Variants in USP32 observed in about 807,000 individuals in gnomAD.
USP32 encodes ubiquitin specific peptidase 32.
Under a neutral mutation model 204.8 loss-of-function variants are expected in USP32, and 59 were observed. The ratio of observed to expected loss-of-function variants is 0.29; its 90% CI spans 0.23 to 0.36. The LOEUF (loss-of-function observed/expected upper bound fraction) is 0.36. Among genes scored for constraint, USP32 ranks in the 10% least tolerant of loss-of-function variants. The pLI, the probability that USP32 is intolerant of heterozygous loss-of-function variation, is 1.00. For missense variants in USP32, 1,160 were observed against 1,946.4 expected (o/e 0.60, Z 7.60); for synonymous variants, 517 against 678.4 (o/e 0.76, Z 3.70).
At chr17:60,363,132 A>T (rs554778644) in intron 1 of USP32, among the ~76,000 whole-genome samples, 116 of 151,898 alleles carry the variant, frequency 7.6e-4, no homozygotes, top group Non-Finnish European at 1.1e-3. Context: ...TCTATTTTTT[A>T]AAAAATATTA....
At chr17:60,280,611 C>T (rs2086946208) in intron 5 of USP32, among the ~76,000 whole-genome samples, 1 of 152,082 alleles carries the variant, frequency 6.6e-6, no homozygotes, top group Admixed American at 6.6e-5. Flanking sequence ...ATTGTAATTC[C>T]TTTTTGTTTC....
intron 1 of USP32, among the ~76,000 whole-genome samples, chr17:60,412,399 G>C (rs1291317671): frequency 6.6e-6 from 1 of 151,958 alleles, no homozygotes; most frequent in Non-Finnish European, 1.5e-5. Flanking sequence ...AGCTACTAGT[G>C]GGGAATGGGG....
At chr17:60,302,121 AT>A (rs2087596511) in intron 2 of USP32, among the ~76,000 whole-genome samples, 1 of 113,768 alleles carries the variant, frequency 8.8e-6, no homozygotes, top group African/African-American at 4.4e-5. Context: ...TTGTTTATTT[AT>A]TTATTTATTT....
intron 26 of USP32, among the ~76,000 whole-genome samples, chr17:60,201,618 T>C (rs1438154440): frequency 6.6e-6 from 1 of 152,042 alleles, no homozygotes; most frequent in East Asian, 1.9e-4. Flanking sequence ...TATCATAATA[T>C]TGTTTTAATT....
intron 33 of USP32, among the ~76,000 whole-genome samples, chr17:60,180,188 A>G (rs1269825894): frequency 6.6e-6 from 1 of 151,756 alleles, no homozygotes; most frequent in Non-Finnish European, 1.5e-5. Flanking sequence ...AACACGCCCA[A>G]CTAATTTTTG....
rs2087176993 is a variant in USP32, at chr17:60,288,371, T to C, written c.571+152A>G. On this transcript the variant is annotated intron_variant, in intron 5 of 33. Coordinates refer to ENST00000300896, the MANE Select transcript of USP32 (RefSeq NM_032582.4). ...GAGAGGACTGCTTGAGCCCAGGAAG[T>C]TGAGACTGCCGTAAGCCACGATGGT... 7 of 862,468 alleles carry C rather than the reference T, an allele frequency of 8.1e-6. No homozygotes were observed. The East Asian group carries it at 2.0e-4, about 24-fold the overall frequency. The allele number at this position is 862,468 out of a possible 1,614,324, so 53.4% of individuals were successfully genotyped here.
At chr17:60,271,902 C>A (rs2086732672) in intron 5 of USP32, among the ~76,000 whole-genome samples, 1 of 151,754 alleles carries the variant, frequency 6.6e-6, no homozygotes, top group South Asian at 2.1e-4. Context: ...GCCTCAAATT[C>A]CTGGGCTCAA....
intron 1 of USP32, among the ~76,000 whole-genome samples, chr17:60,404,777 C>G (rs1307956562): frequency 6.6e-6 from 1 of 152,206 alleles, no homozygotes; most frequent in Non-Finnish European, 1.5e-5. Context: ...ACCTTCTCAT[C>G]TTTCCTGTAT....
chr17:60,196,849 T>C (rs1249252799), intron 27 of USP32, among the ~76,000 whole-genome samples: 1 of 151,800 alleles, frequency 6.6e-6, no homozygotes, highest in Non-Finnish European at 1.5e-5. Flanking sequence ...TAAAAATAAA[T>C]AAATAACTTA....
At position 60,271,335 on chromosome 17, in the gene USP32, T is replaced by C. The variant is rs552535377; in HGVS notation, c.703+15A>G. On this transcript the variant is annotated intron_variant, in intron 6 of 33. Transcript: ENST00000300896. ...TTTACCAGTGAACATATGTAGAAAA[T>C]GGAATGATCCCTACCTTCACTTAGA... 7.4e-6 allele frequency: 12 copies of C among 1,612,756 alleles called. No individual in the cohort carries two copies. The highest frequency in any genetic ancestry group is 2.2e-5 in the East Asian group (1 of 44,832).
chr17:60,324,414 A>G (rs892468349), intron 2 of USP32, among the ~76,000 whole-genome samples: 3 of 152,104 alleles, frequency 2.0e-5, no homozygotes, highest in African/African-American at 7.2e-5. Context: ...TGTCTTCCAC[A>G]TGAGGCAGGA....
intron 12 of USP32, among the ~76,000 whole-genome samples, chr17:60,231,826 G>T (rs1414330974): frequency 6.6e-6 from 1 of 152,174 alleles, no homozygotes; most frequent in African/African-American, 2.4e-5. Context: ...TTTTTTAGGA[G>T]ATTACACATA....
chr17:60,196,270 C>CAAAAAAAAAAAAAAAAAAAAAAAAA (rs749074954), intron 27 of USP32, among the ~76,000 whole-genome samples: 2 of 129,240 alleles, frequency 1.5e-5, no homozygotes, highest in African/African-American at 6.9e-5. Context: ...ATCCCCACGC[C>CAAAAAAAAAAAAAAAAAAAAAAAAA]AAAAAAAGAA....
intron 12 of USP32, among the ~76,000 whole-genome samples, chr17:60,229,482 C>T (rs1390463205): frequency 3.9e-5 from 6 of 152,158 alleles, no homozygotes; most frequent in Non-Finnish European, 7.3e-5. Context: ...TAGAAATTGA[C>T]TTGTTATTAA....
chr17:60,190,735 A>G (rs1567753335), intron 28 of USP32, 52 bp from the exon 29 acceptor site: 21 of 1,565,296 alleles, frequency 1.3e-5, no homozygotes, highest in Non-Finnish European at 1.6e-5. Context: ...GAAGGAATCT[A>G]AATTTTCTTA....
At chr17:60,370,924 C>T (rs1461326441) in intron 1 of USP32, among the ~76,000 whole-genome samples, 2 of 151,632 alleles carry the variant, frequency 1.3e-5, no homozygotes, top group Non-Finnish European at 2.9e-5. Context: ...AGCAAGATCC[C>T]ATCTCTAAAA....
chr17:60,361,780 C>T (rs2089212304), intron 1 of USP32, among the ~76,000 whole-genome samples: 1 of 151,954 alleles, frequency 6.6e-6, no homozygotes, highest in Non-Finnish European at 1.5e-5. Context: ...AATCTGGCAC[C>T]CTGCTATTAT....
Position 60,294,549 on chromosome 17 carries a change from A to T in USP32, c.411+134T>A, listed in dbSNP as rs114598870. The T allele has an allele frequency of 1.5e-3, 805 of 539,950 alleles. 5 individuals are homozygous for T. Among genetic ancestry groups the T allele is most frequent in the African/African-American group, 0.014 (728 of 51,934 alleles). 33.4% of individuals were successfully genotyped at this position (539,950 alleles called of 1,614,324 possible). A position where few individuals can be genotyped will look rare whatever the true frequency, so the allele number is the denominator to read the frequency against. On this transcript the variant is annotated intron_variant, in intron 4 of 33. Transcript: ENST00000300896. ...AGTCATGCAATAGCACATAAATGGA[A>T]ACATCAATAAATATAAAAATGCCAA...
upstream of USP32, among the ~76,000 whole-genome samples, chr17:60,396,069 CT>C (rs936063243): frequency 9.0e-3 from 673 of 74,906 alleles, no homozygotes; most frequent in Non-Finnish European, 0.013. Flanking sequence ...GCACTTGAAG[CT>C]TTTTTTTTTT....
Sources: allele counts gnomAD v4.1 joint callset (sites outside exome capture counted in the v4.1 genomes callset), GRCh38; gene constraint gnomAD v4.1.1; transcripts MANE v1.5; gene names NCBI Gene and HGNC (gene_info 2026-07-23, HGNC 2026-07-21).